The following TFIP11 variants were observed in gnomAD, a reference collection of about 807,000 sequenced individuals.
The protein encoded by TFIP11 is tuftelin-interacting protein 11.
Under a neutral mutation model 96.8 loss-of-function variants are expected in TFIP11, and 86 were observed. The observed-to-expected ratio is 0.89, with a 90% CI of 0.75 to 1.06. The LOEUF is 1.06. TFIP11 is among the 50% of genes least tolerant of loss of function. The pLI is 0.00. For missense variants in TFIP11, 881 were observed against 1,076.7 expected, an observed-to-expected ratio of 0.82 and a Z score of 2.54; for synonymous variants, 405 against 395.2, an observed-to-expected ratio of 1.02 and a Z score of -0.29.
In TFIP11 at chr22:26,503,736, T is replaced by C. The variant is rs746999481; in HGVS notation, c.578A>G (p.Tyr193Cys). 2.9e-5 allele frequency: 47 copies of C among 1,613,876 alleles called. No individual in the cohort carries two copies. The highest frequency in any genetic ancestry group is 3.8e-5 in the Non-Finnish European group (45 of 1,180,008). Residue 193 changes from tyrosine to cysteine, a missense_variant, in exon 7 of 15, where the codon TAT (tyrosine) becomes TGT (cysteine). Tyr to Cys is a radical substitution (Grantham distance 194). Transcript: ENST00000407690. The stretch of plus-strand genomic sequence containing the variant: ...GGACTGAGTGGTGCGCTCGGATCCA[T>C]AAGCCCCCACAGCACCTTTTCCCTT... ...QRKGKGAVGA[Y>C]GSERTTQSMQ... is the part of the protein sequence containing the mutation.
chr22:26,510,968 A>G (rs1046475279), intron 2 of TFIP11, among the ~76,000 whole-genome samples: 1 of 152,236 alleles, frequency 6.6e-6, no homozygotes, highest in South Asian at 2.1e-4. Flanking sequence ...AGCAAATTCA[A>G]TGAGTTCAAA....
In TFIP11 at chr22:26,506,291, A is replaced by G; in HGVS notation, c.520+12T>C. 1 of 1,578,312 alleles carries G rather than the reference A, an allele frequency of 6.3e-7. No individual in the cohort carries two copies. The highest frequency in any genetic ancestry group is 8.6e-7 in the Non-Finnish European group (1 of 1,163,336). On this transcript the variant is annotated intron_variant, in intron 6 of 14. Coordinates refer to ENST00000407690, the MANE Select transcript of TFIP11 (RefSeq NM_012143.4). ...CCCTCCTCCATCATGCAAGACGACA[A>G]AGGTGCAATACCTTGTGCATTCTTC... is the stretch of plus-strand genomic sequence containing the variant.
chr22:26,500,582 C>CTTCTGAAACAGAATGA (rs1260462090), intron 8 of TFIP11, among the ~76,000 whole-genome samples: 1 of 152,036 alleles, frequency 6.6e-6, no homozygotes, highest in Non-Finnish European at 1.5e-5. Context: ...ACGGACTACA[C>CTTCTGAAACAGAATGA]TTCTGAAACA....
Sources: allele counts gnomAD v4.1 joint callset (sites outside exome capture counted in the v4.1 genomes callset), GRCh38; gene constraint gnomAD v4.1.1; transcripts MANE v1.5; gene names NCBI Gene and HGNC (gene_info 2026-07-23, HGNC 2026-07-21).